Variants in NCOR2 observed in about 807,000 individuals in gnomAD.
NCOR2 encodes nuclear receptor corepressor 2.
In NCOR2, 81 loss-of-function variants were observed where a neutral mutation model predicts 262.9. The ratio of observed to expected loss-of-function variants is 0.31; its 90% CI spans 0.26 to 0.37. The LOEUF is 0.37. NCOR2 is among the 10% of genes least tolerant of loss of function. The probability of loss-of-function intolerance (pLI) is 1.00; values close to 1 mark genes in which losing one functional copy is unlikely to be tolerated. For missense variants in NCOR2, 3,385 were observed against 3,621.4 expected (o/e 0.93, Z 1.68); for synonymous variants, 1,659 against 1,559.3 (o/e 1.06, Z -1.51).
intron 1 of NCOR2, among the ~76,000 whole-genome samples, chr12:124,543,552 G>A (rs955679031): frequency 6.6e-6 from 1 of 152,200 alleles, no homozygotes; most frequent in African/African-American, 2.4e-5. Context: ...CGACAGCGCC[G>A]TGGATTTAGC....
chr12:124,445,239 G>A lies in NCOR2; in HGVS notation c.815+4576C>T, dbSNP rs186444346. On this transcript the variant is annotated intron_variant, in intron 7 of 46. Coordinates refer to ENST00000405201, the Ensembl canonical transcript of NCOR2. ...CACGCACTTTCACCACATCCCACGCGGGCTCCATAGACTCCCGGGAATTCC... is the reference window on the plus strand; with the variant it reads ...CACGCACTTTCACCACATCCCACGCAGGCTCCATAGACTCCCGGGAATTCC... Among the ~76,000 whole-genome samples, 11 of 152,232 alleles carry A rather than the reference G, an allele frequency of 7.2e-5. No homozygotes were observed. In the East Asian group the frequency reaches 9.7e-4, roughly 13 times the overall value.
intron 28 of NCOR2, chr12:124,348,629 G>C (rs1170354031): frequency 2.4e-6 from 1 of 424,772 alleles, no homozygotes; most frequent in East Asian, 3.9e-5. Flanking sequence ...ATGAGCACGT[G>C]AGTCTGTGTC....
At chr12:124,362,218 T>G in exon 22 of NCOR2, 1 of 1,312,002 alleles carries the variant, frequency 7.6e-7, no homozygotes, top group Non-Finnish European at 9.7e-7. Flanking sequence ...CTGCAGGTTT[T>G]GCGGTGGCGG....
At chr12:124,411,007 G>A (rs948258431) in intron 13 of NCOR2, among the ~76,000 whole-genome samples, 2 of 143,802 alleles carry the variant, frequency 1.4e-5, no homozygotes, top group African/African-American at 5.1e-5. Flanking sequence ...AGGGTGAGAG[G>A]AGAGACCCAG....
intron 20 of NCOR2, among the ~76,000 whole-genome samples, chr12:124,371,600 C>T (rs951192739): frequency 2.0e-5 from 3 of 152,182 alleles, no homozygotes; most frequent in African/African-American, 4.8e-5. Flanking sequence ...CTGGAAGAGG[C>T]GGGATGGATC....
At chr12:124,409,684 C>CT (rs1308433851) in intron 13 of NCOR2, among the ~76,000 whole-genome samples, 43 of 151,756 alleles carry the variant, frequency 2.8e-4, no homozygotes, top group Admixed American at 7.2e-4. Flanking sequence ...CTTGTTTGCC[C>CT]TTTTTTTTGG....
Position 124,472,935 on chromosome 12 carries a change from C to T in NCOR2, c.591+17G>A, listed in dbSNP as rs761957103. ...AGACTCAGAACAAACACTCCCCCTC[C>T]CCCTGCCCATTCACACCTGCTTCTT... On this transcript the variant is annotated intron_variant, in intron 4 of 46. Transcript: ENST00000405201. The T allele has an allele frequency of 6.2e-7, 1 of 1,613,552 alleles. No individual in the cohort carries two copies. Among genetic ancestry groups the T allele is most frequent in the Admixed American group, 1.7e-5 (1 of 60,012 alleles).
chr12:124,412,975 G>A (rs369894193), intron 13 of NCOR2, among the ~76,000 whole-genome samples: 89 of 152,366 alleles, frequency 5.8e-4, no homozygotes, highest in African/African-American at 1.6e-3. Context: ...CCATCCCAGC[G>A]TGGTCAGTGG....
At chr12:124,472,107 G>A (rs1465844914) in intron 4 of NCOR2, among the ~76,000 whole-genome samples, 2 of 152,340 alleles carry the variant, frequency 1.3e-5, no homozygotes, top group Middle Eastern at 3.4e-3. Flanking sequence ...GGTTGGGGGT[G>A]TGTGTTCCTG....
chr12:124,551,661 G>C (rs994733049), intron 1 of NCOR2, among the ~76,000 whole-genome samples: 5 of 152,158 alleles, frequency 3.3e-5, no homozygotes, highest in Non-Finnish European at 5.9e-5. Context: ...GGTCCTCCTC[G>C]GGGTCTGGGA....
Position 124,549,417 on chromosome 12 carries a change from C to T in NCOR2, c.-164-13806G>A, listed in dbSNP as rs2051642267. Among the ~76,000 whole-genome samples the T allele has an allele frequency of 6.6e-6, 1 of 152,162 alleles. No individual in the cohort carries two copies. The highest frequency in any genetic ancestry group is 2.4e-5 in the African/African-American group (1 of 41,414). On this transcript the variant is annotated intron_variant, in intron 1 of 32. Transcript: ENST00000458234. The surrounding 1 kb of genome is among the most constrained non-coding windows in gnomAD (Gnocchi z 4.4). ...GGATCAAATGAACCCACTTAATCCC[C>T]CTAGGGATCTCTGCTGAGCTGGCTC... is the stretch of plus-strand genomic sequence containing the variant.
intron 22 of NCOR2, among the ~76,000 whole-genome samples, chr12:124,358,541 G>A (rs1460272519): frequency 6.6e-6 from 1 of 152,204 alleles, no homozygotes; most frequent in Non-Finnish European, 1.5e-5. Context: ...ACTGTGCTCA[G>A]CATCCCACGG....
intron 11 of NCOR2, among the ~76,000 whole-genome samples, chr12:124,422,831 G>A (rs1593468216): frequency 6.6e-6 from 1 of 152,240 alleles, no homozygotes; most frequent in South Asian, 2.1e-4. Context: ...CGGCTTCCAG[G>A]AAAAATGAGG....
chr12:124,450,855 T>C (rs375800408), intron 6 of NCOR2, among the ~76,000 whole-genome samples: 8 of 152,358 alleles, frequency 5.3e-5, no homozygotes, highest in African/African-American at 1.9e-4. Flanking sequence ...TGTGCCTCCA[T>C]TTCTCCTCAT....
intron 4 of NCOR2, among the ~76,000 whole-genome samples, chr12:124,470,456 A>C (rs1364402830): frequency 6.6e-6 from 1 of 152,254 alleles, no homozygotes; most frequent in African/African-American, 2.4e-5. Context: ...ATGGCCACAG[A>C]TGATGAAATA....
intron 1 of NCOR2, among the ~76,000 whole-genome samples, chr12:124,488,727 C>T (rs975069525): frequency 6.6e-6 from 1 of 152,212 alleles, no homozygotes; most frequent in East Asian, 1.9e-4. Flanking sequence ...CAGCAGGCCT[C>T]ACAGTCTGCC....
At chr12:124,381,852 C>T (rs1035353911) in intron 17 of NCOR2, among the ~76,000 whole-genome samples, 3 of 152,222 alleles carry the variant, frequency 2.0e-5, no homozygotes, top group East Asian at 1.9e-4. Flanking sequence ...GGGTAACCTT[C>T]GGCCATAAGG....
chr12:124,415,099 C>A (rs2042786198), intron 13 of NCOR2, among the ~76,000 whole-genome samples: 1 of 152,216 alleles, frequency 6.6e-6, no homozygotes. Flanking sequence ...CTGCAGGTGC[C>A]AGCCATGCTG....
At chr12:124,344,348 G>T (rs1175558811) in intron 32 of NCOR2, among the ~76,000 whole-genome samples, 6 of 152,220 alleles carry the variant, frequency 3.9e-5, no homozygotes, top group Admixed American at 2.0e-4. Flanking sequence ...TTGCAGAGTG[G>T]ATTACAGCAG....
Sources: gnomAD v4.1 joint callset for allele counts (sites outside exome capture counted in the v4.1 genomes callset) on GRCh38, gnomAD v4.1.1 for gene constraint, Gnocchi (gnomAD v3.1) non-coding constraint, MANE v1.5 for transcripts, NCBI Gene and HGNC (gene_info 2026-07-23, HGNC 2026-07-21) for gene names.